The following C12orf71 variants were observed in gnomAD, a reference collection of about 807,000 sequenced individuals.
C12orf71 encodes the protein uncharacterized protein C12orf71.
A neutral mutation model predicts 11.7 loss-of-function variants in C12orf71; 10 were observed. The observed-to-expected ratio is 0.86, with a 90% CI of 0.53 to 1.45. The LOEUF (loss-of-function observed/expected upper bound fraction) is 1.45. C12orf71 is among the 40% of genes most tolerant of loss of function. The probability of loss-of-function intolerance (pLI) is 0.00; values close to 1 mark genes in which losing one functional copy is unlikely to be tolerated. For missense variants in C12orf71, 293 were observed against 325.8 expected (o/e 0.90, Z 0.78); for synonymous variants, 110 against 123.4 (o/e 0.89, Z 0.72).
rs1338088532 is a variant in C12orf71, at chr12:27,082,117, T to C, written c.367A>G (p.Arg123Gly). The C allele has an allele frequency of 1.9e-6, 3 of 1,613,222 alleles. No individual in the cohort carries two copies. Among genetic ancestry groups the C allele is most frequent in the Non-Finnish European group, 2.5e-6 (3 of 1,179,492 alleles). ...AGTTTGCCAACAGACAGTTTTGTTCTCTCTTTTGGTAACTTGTCTATCCAC... is the reference window on the plus strand; with the variant it reads ...AGTTTGCCAACAGACAGTTTTGTTCCCTCTTTTGGTAACTTGTCTATCCAC... Reference protein sequence around the residue: ...NLWIDKLPKERTKLSVGKLNN... With the variant: ...NLWIDKLPKEGTKLSVGKLNN... Residue 123 changes from arginine to glycine, a missense_variant, in exon 1 of 2, where the codon AGA becomes GGA. Transcript: ENST00000429849.
At chr12:27,082,616 T>A, upstream of C12orf71, 1 of 608,122 alleles carries the variant, frequency 1.6e-6, no homozygotes, top group Non-Finnish European at 2.4e-6. Flanking sequence ...TCTTTTTTCT[T>A]TTTTTTTTTT....
chr12:27,081,848 C>T (rs1474780775), intron 1 of C12orf71, 120 bp downstream of exon 1: 2 of 1,081,326 alleles, frequency 1.8e-6, no homozygotes, highest in Admixed American at 2.0e-5. Flanking sequence ...CTCTGCTCTC[C>T]TCAGCCAGCT....
At chr12:27,081,824 G>C in intron 1 of C12orf71, 144 bp downstream of exon 1, 1 of 894,406 alleles carries the variant, frequency 1.1e-6, no homozygotes, top group Non-Finnish European at 1.8e-6. Context: ...ATCCCTTCCT[G>C]TCCTGTGAGG....
chr12:27,082,873 G>A (rs841248), upstream of C12orf71, among the ~76,000 whole-genome samples: 10 of 151,764 alleles, frequency 6.6e-5, no homozygotes, highest in Middle Eastern at 3.2e-3. Context: ...CACCACACCC[G>A]GCCCCATTCC....
intron 1 of C12orf71, 128 bp downstream of exon 1, chr12:27,081,840 C>G (rs777624652): frequency 6.0e-6 from 6 of 1,000,598 alleles, no homozygotes; most frequent in Non-Finnish European, 6.1e-6. Context: ...TGAGGCATCT[C>G]TGCTCTCCTC....
rs746716007 is a variant in C12orf71 at position 27,082,332 on chromosome 12, A to T, written c.152T>A (p.Ile51Asn). ...WEDAPSKGPS[I>N]HFLPPVQGAW... The stretch of plus-strand genomic sequence containing the variant: ...CCCTTGGACGGGAGGCAGAAAGTGG[A>T]TGGAAGGACCCTTGGAAGGTGCATC... The change falls in exon 1 of 2, where the codon ATC becomes AAC. Residue 51 changes from isoleucine (I) to asparagine (N), a missense_variant. Coordinates refer to ENST00000429849, the MANE Select transcript of C12orf71 (RefSeq NM_001080406.2). 1 of 1,601,084 alleles carries T rather than the reference A, an allele frequency of 6.2e-7. No homozygotes were observed. Among genetic ancestry groups the T allele is most frequent in the Non-Finnish European group, 8.5e-7 (1 of 1,174,418 alleles).
In C12orf71 at chr12:27,082,264, C is replaced by A. The variant is rs189420548; in HGVS notation, c.220G>T (p.Asp74Tyr). 355 of 1,611,502 alleles carry A rather than the reference C, an allele frequency of 2.2e-4. 2 individuals are homozygous for A. The Admixed American group carries it at 2.8e-3, about 13-fold the overall frequency. The change falls in exon 1 of 2, where the codon GAC becomes TAC. Residue 74 changes from aspartate (D) to tyrosine (Y), a missense_variant. Coordinates refer to ENST00000429849, the MANE Select transcript of C12orf71 (RefSeq NM_001080406.2). Reference protein sequence around the residue: ...ERIGRRMKRQDQIQDEPEQFC... With the variant: ...ERIGRRMKRQYQIQDEPEQFC... ...TGCTCTGGTTCATCCTGAATTTGGT[C>A]TTGTCTCTTCATGCGTCTCCCTATC...
At chr12:27,084,110 C>T (rs192722790), upstream of C12orf71, among the ~76,000 whole-genome samples, 57 of 152,260 alleles carry the variant, frequency 3.7e-4, 1 homozygote, top group East Asian at 7.3e-3. Flanking sequence ...GCTAAAAGTC[C>T]AGCTGTCAGA....
upstream of C12orf71, chr12:27,082,613 T>G: frequency 1.5e-6 from 1 of 689,154 alleles, no homozygotes; most frequent in Non-Finnish European, 2.1e-6. Flanking sequence ...TTCTCTTTTT[T>G]CTTTTTTTTT....
upstream of C12orf71, chr12:27,082,641 ACT>A (rs1291024972): frequency 1.8e-6 from 1 of 546,486 alleles, no homozygotes; most frequent in Non-Finnish European, 2.9e-6. Flanking sequence ...ACGAAGTCTC[ACT>A]CTGTCTCCCA....
upstream of C12orf71, among the ~76,000 whole-genome samples, chr12:27,082,879 A>G (rs7956598): frequency 0.38 from 58,355 of 151,610 alleles, 12,415 homozygotes; most frequent in East Asian, 0.87. Flanking sequence ...ACCCGGCCCC[A>G]TTCCCTTTTC....
chr12:27,083,749 CT>C (rs1439849294), upstream of C12orf71, among the ~76,000 whole-genome samples: 2 of 152,102 alleles, frequency 1.3e-5, no homozygotes, highest in Non-Finnish European at 2.9e-5. Context: ...TTGACTATGT[CT>C]CTTATTTTTC....
At position 27,081,133 on chromosome 12, in the gene C12orf71, T is replaced by C. The variant is rs773280490; in HGVS notation, c.*41A>G. 2.1e-6 allele frequency: 3 copies of C among 1,458,810 alleles called. No individual in the cohort carries two copies. The highest frequency in any genetic ancestry group is 2.8e-6 in the Non-Finnish European group (3 of 1,069,566). 90.4% of individuals were successfully genotyped at this position (1,458,810 alleles called of 1,614,324 possible). On this transcript the variant is annotated 3_prime_UTR_variant, in exon 2 of 2. Transcript: ENST00000429849. ...TGGGGATTATTAATGGAATCCTTAT[T>C]ATGGATTATTTTAAACTTTCCAAAA...
At chr12:27,081,877 GA>G (rs1415490423) in intron 1 of C12orf71, 90 bp downstream of exon 1, 15 of 1,296,414 alleles carry the variant, frequency 1.2e-5, no homozygotes, top group Non-Finnish European at 1.6e-5. Flanking sequence ...TTAAGCCTTA[GA>G]GGAGTCTGTG....
chr12:27,083,254 A>G (rs1209232102), upstream of C12orf71, among the ~76,000 whole-genome samples: 1 of 152,200 alleles, frequency 6.6e-6, no homozygotes, highest in African/African-American at 2.4e-5. Context: ...TCCAGTTTTT[A>G]CAATCTCTCA....
At position 27,082,098 on chromosome 12, in the gene C12orf71, C is replaced by A; in HGVS notation, c.386G>T (p.Gly129Val). 1 of 1,612,006 alleles carries A rather than the reference C, an allele frequency of 6.2e-7. No individual in the cohort carries two copies. Among genetic ancestry groups the A allele is most frequent in the Non-Finnish European group, 8.5e-7 (1 of 1,178,826 alleles). ...LPKERTKLSVGKLNNLVQEFQ... is the reference protein window; with the variant it reads ...LPKERTKLSVVKLNNLVQEFQ... ...CTCTTGCACAAGATTATTCAGTTTGCCAACAGACAGTTTTGTTCTCTCTTT... is the reference window on the plus strand; with the variant it reads ...CTCTTGCACAAGATTATTCAGTTTGACAACAGACAGTTTTGTTCTCTCTTT... The change falls in exon 1 of 2, where the codon GGC (glycine) becomes GTC (valine). Residue 129 changes from glycine (G) to valine (V), a missense_variant. Physicochemically the swap from Gly to Val is moderately radical, Grantham distance 109 (BLOSUM62 -3). Coordinates refer to ENST00000429849, the MANE Select transcript of C12orf71 (RefSeq NM_001080406.2).
intron 1 of C12orf71, 34 bp from the exon 2 acceptor site, chr12:27,081,501 A>G (rs751947864): frequency 2.5e-6 from 4 of 1,579,450 alleles, no homozygotes; most frequent in Non-Finnish European, 3.4e-6. Context: ...TTAGGTAGGA[A>G]TAACCATGAC....
Position 27,082,569 on chromosome 12 carries a change from T to G in C12orf71, c.-86A>C. 4.2e-6 allele frequency: 4 copies of G among 963,634 alleles called. No homozygotes were observed. The highest frequency in any genetic ancestry group is 5.8e-6 in the Non-Finnish European group (4 of 693,260). 59.7% of individuals were successfully genotyped at this position (963,634 alleles called of 1,614,324 possible). A position where few individuals can be genotyped will look rare whatever the true frequency, so the allele number is the denominator to read the frequency against. On this transcript the variant is annotated 5_prime_UTR_variant, in exon 1 of 2. Transcript: ENST00000429849. ...ATAGGTGGGACTAAGGAGAAGAGAG[T>G]CATAGTACTTAAGCAAAAACATTAT...
rs1216386548 is a variant in C12orf71 at position 27,081,182 on chromosome 12, G to T, written c.802C>A (p.Pro268Thr). ...QPQETLELGHPI is the reference protein window; with the variant it reads ...QPQETLELGHTI ...AAAGTTTAAAAATCTGTCTATATGG[G>T]ATGTCCTAATTCAAGGGTTTCTTGA... Residue 268 changes from proline to threonine, a missense_variant, in exon 2 of 2, where the codon CCC becomes ACC. Pro to Thr is a conservative substitution (Grantham distance 38). Transcript: ENST00000429849. The T allele has an allele frequency of 2.5e-6, 4 of 1,609,130 alleles. No individual in the cohort carries two copies. The African/African-American group carries it at 5.3e-5, about 22-fold the overall frequency.
Sources: gnomAD v4.1 joint callset for allele counts (sites outside exome capture counted in the v4.1 genomes callset) on GRCh38, gnomAD v4.1.1 for gene constraint, MANE v1.5 for transcripts, NCBI Gene and HGNC (gene_info 2026-07-23, HGNC 2026-07-21) for gene names.